Variants in NAV1 observed in about 807,000 individuals in gnomAD.
NAV1 encodes pore membrane and/or filament interacting like protein 3.
NAV1 carries 18 observed loss-of-function variants against 175.2 expected under a neutral mutation model. The ratio of observed to expected loss-of-function variants is 0.10; its 90% CI spans 0.07 to 0.15. The LOEUF (loss-of-function observed/expected upper bound fraction) is 0.15, where lower values mean the gene tolerates loss of function less well. Among genes scored for constraint, NAV1 ranks in the 10% least tolerant of loss-of-function variants. NAV1 has a pLI of 1.00. For missense variants in NAV1, 1,731 were observed against 2,436.6 expected (o/e 0.71, Z 6.10); for synonymous variants, 897 against 978.7 (o/e 0.92, Z 1.56).
At chr1:201,618,752 G>A (rs888518873), upstream of NAV1, among the ~76,000 whole-genome samples, 16 of 152,180 alleles carry the variant, frequency 1.1e-4, no homozygotes, top group African/African-American at 3.9e-4. Flanking sequence ...ACCTGTGAAA[G>A]GGGTACTAAA....
chr1:201,657,600 C>T (rs1669454468), intron 1 of NAV1, among the ~76,000 whole-genome samples: 1 of 152,216 alleles, frequency 6.6e-6, no homozygotes, highest in South Asian at 2.1e-4. Context: ...CCACCTGGAC[C>T]TCACTGTCTG....
At chr1:201,762,009 A>G (rs544013412) in intron 3 of NAV1, among the ~76,000 whole-genome samples, 1 of 152,208 alleles carries the variant, frequency 6.6e-6, no homozygotes, top group South Asian at 2.1e-4. Context: ...AAAAAAAAAA[A>G]ATTATCTGGG....
chr1:201,792,446 G>A (rs1677179377), intron 13 of NAV1: 1 of 152,308 alleles, frequency 6.6e-6, no homozygotes, highest in African/African-American at 2.4e-5. Context: ...TTGGGATTAA[G>A]GGAAGGGTCA....
At chr1:201,716,347 T>C (rs1320334197) in intron 2 of NAV1, among the ~76,000 whole-genome samples, 1 of 152,206 alleles carries the variant, frequency 6.6e-6, no homozygotes, top group Non-Finnish European at 1.5e-5. Flanking sequence ...ACATCCATCG[T>C]GGGTTTGCTC....
chr1:201,751,062 C>T (rs1440834978), intron 3 of NAV1, among the ~76,000 whole-genome samples: 2 of 152,190 alleles, frequency 1.3e-5, no homozygotes, highest in Non-Finnish European at 2.9e-5. Flanking sequence ...ACAGGAATTT[C>T]ACTCATAGTT....
intron 1 of NAV1, among the ~76,000 whole-genome samples, chr1:201,706,257 G>A (rs1671663566): frequency 7.0e-6 from 1 of 143,012 alleles, no homozygotes; most frequent in Non-Finnish European, 1.5e-5. Flanking sequence ...AAGAAGGGGT[G>A]TGTGTGTGTG....
chr1:201,621,091 G>A (rs1668154572), upstream of NAV1, among the ~76,000 whole-genome samples: 1 of 151,454 alleles, frequency 6.6e-6, no homozygotes. Flanking sequence ...GGCTAATTTT[G>A]TTTTTGTTTA....
exon 30 of NAV1, chr1:201,821,462 AC>A (rs1679370088): frequency 6.6e-6 from 1 of 151,822 alleles, no homozygotes; most frequent in South Asian, 2.1e-4. Flanking sequence ...TTTGACAAGT[AC>A]TTACTGAGTA....
intron 3 of NAV1, among the ~76,000 whole-genome samples, chr1:201,743,914 G>A (rs1673595109): frequency 6.6e-6 from 1 of 151,962 alleles, no homozygotes; most frequent in Non-Finnish European, 1.5e-5. Context: ...TTTTTGAGAT[G>A]GAGTTTCGAG....
At chr1:201,603,087 C>T (rs954534191) in intron 2 of NAV1, among the ~76,000 whole-genome samples, 2 of 152,204 alleles carry the variant, frequency 1.3e-5, no homozygotes, top group Non-Finnish European at 2.9e-5. Flanking sequence ...AACCTAGAAG[C>T]TGGTGAGACA....
intron 1 of NAV1, among the ~76,000 whole-genome samples, chr1:201,663,720 C>T (rs1352333485): frequency 3.3e-5 from 5 of 152,152 alleles, no homozygotes; most frequent in Non-Finnish European, 1.5e-5. Context: ...GGTGCTGATC[C>T]ATTATTTCCC....
intron 1 of NAV1, among the ~76,000 whole-genome samples, chr1:201,574,128 CT>C (rs1666626683): frequency 1.3e-5 from 2 of 152,196 alleles, no homozygotes; most frequent in South Asian, 4.2e-4. Flanking sequence ...ACTGAGCACT[CT>C]TCAGTGTAGA....
At chr1:201,721,803 G>A (rs1253561596) in intron 3 of NAV1, among the ~76,000 whole-genome samples, 2 of 152,110 alleles carry the variant, frequency 1.3e-5, no homozygotes, top group Admixed American at 6.5e-5. Flanking sequence ...CAAGCTATCC[G>A]AGTGAGCCAT....
rs187416830 is a variant in NAV1 at position 201,724,818 on chromosome 1, T to C, written c.1226+6063T>C. On this transcript the variant is annotated intron_variant, in intron 3 of 29. Transcript: ENST00000367296. Reference sequence around the variant, plus strand: ...ATGTTCCAGTCTTCTTATTTTTCTCTTCACCGCCCCTTCCTCCACTCCCCA... The same window carrying C: ...ATGTTCCAGTCTTCTTATTTTTCTCCTCACCGCCCCTTCCTCCACTCCCCA... The C allele has an allele frequency of 2.5e-3, 388 of 152,844 alleles. 4 individuals carry two copies. Among genetic ancestry groups the C allele is most frequent in the Admixed American group, 9.3e-3 (142 of 15,296 alleles). The allele number at this position is 152,844 out of a possible 1,614,324, so 9.5% of individuals were successfully genotyped here. A position where few individuals can be genotyped will look rare whatever the true frequency, so the allele number is the denominator to read the frequency against.
intron 1 of NAV1, among the ~76,000 whole-genome samples, chr1:201,568,874 G>A (rs751549271): frequency 5.9e-5 from 9 of 151,772 alleles, no homozygotes; most frequent in Non-Finnish European, 1.3e-4. Flanking sequence ...TCATGCATGC[G>A]CAGAAGTTTG....
At chr1:201,783,504 A>G (rs530382990) in exon 7 of NAV1, 2 of 1,614,128 alleles carry the variant, frequency 1.2e-6, no homozygotes, top group South Asian at 1.1e-5. Flanking sequence ...GATACCACCC[A>G]TGCTTCAAAG....
At chr1:201,775,187 C>T (rs1675857442) in intron 3 of NAV1, among the ~76,000 whole-genome samples, 1 of 152,160 alleles carries the variant, frequency 6.6e-6, no homozygotes, top group Admixed American at 6.5e-5. Context: ...GAGACATTTT[C>T]TGGAGAGAGT....
intron 2 of NAV1, among the ~76,000 whole-genome samples, chr1:201,590,039 C>A (rs575502328): frequency 2.1e-3 from 318 of 152,242 alleles, no homozygotes; most frequent in African/African-American, 7.3e-3. Context: ...ATTACAGGTG[C>A]GCACCATCAT....
chr1:201,780,282 C>T (rs1245051994), intron 3 of NAV1, 139 bp from the exon 8 acceptor site: 12 of 911,582 alleles, frequency 1.3e-5, no homozygotes, highest in South Asian at 1.9e-5. Flanking sequence ...TGCTGACAAA[C>T]CTAGGACAAA....
Sources: gnomAD v4.1 joint callset for allele counts (sites outside exome capture counted in the v4.1 genomes callset) on GRCh38, gnomAD v4.1.1 for gene constraint, MANE v1.5 for transcripts, NCBI Gene and HGNC (gene_info 2026-07-23, HGNC 2026-07-21) for gene names.